GLRA3: variants seen among roughly 807,000 people sequenced by gnomAD.
GLRA3 encodes the protein glycine receptor subunit alpha-3.
In GLRA3, 44 loss-of-function variants were observed where a neutral mutation model predicts 60.4. That is an observed-to-expected ratio of 0.73 (90% CI 0.57 to 0.94). The LOEUF is 0.94. Ranked by LOEUF, GLRA3 falls within the 40% of genes least tolerant of loss-of-function variation. The pLI, the probability that GLRA3 is intolerant of heterozygous loss-of-function variation, is 0.00. For missense variants in GLRA3, 508 were observed against 564.6 expected (o/e 0.90, Z 1.02); for synonymous variants, 223 against 192.9 (o/e 1.16, Z -1.29).
At chr4:174,718,959 C>CTTTTTTTTTTTTT (rs10656765) in intron 4 of GLRA3, among the ~76,000 whole-genome samples, 2 of 81,064 alleles carry the variant, frequency 2.5e-5, no homozygotes, top group African/African-American at 4.9e-5. Context: ...AGATTTCGTG[C>CTTTTTTTTTTTTT]TTTTTTTTTT....
At chr4:174,781,591 G>A (rs1267627366) in intron 2 of GLRA3, among the ~76,000 whole-genome samples, 2 of 149,952 alleles carry the variant, frequency 1.3e-5, no homozygotes, top group African/African-American at 2.5e-5. Flanking sequence ...GAAAAAAAGA[G>A]AGAAGAATCA....
chr4:174,766,298 C>T (rs1293670627), intron 3 of GLRA3, among the ~76,000 whole-genome samples: 1 of 151,850 alleles, frequency 6.6e-6, no homozygotes, highest in African/African-American at 2.4e-5. Context: ...GGCTGCTAGA[C>T]AATTTTATAG....
intron 2 of GLRA3, among the ~76,000 whole-genome samples, chr4:174,785,093 A>G (rs771940656): frequency 3.3e-5 from 5 of 152,154 alleles, no homozygotes; most frequent in African/African-American, 4.8e-5. Context: ...TTATTTATTT[A>G]TACTTTTCTG....
At chr4:174,759,359 T>TAA (rs1579562639) in intron 3 of GLRA3, among the ~76,000 whole-genome samples, 2 of 152,068 alleles carry the variant, frequency 1.3e-5, no homozygotes, top group East Asian at 3.8e-4. Context: ...AAAGCCTATT[T>TAA]TAATAATGAA....
rs371913241 is a variant in GLRA3, at chr4:174,723,966, T to C, written c.491+4509A>G. On this transcript the variant is annotated intron_variant, in intron 4 of 9. Coordinates refer to ENST00000274093, the MANE Select transcript of GLRA3 (RefSeq NM_006529.4). Reference sequence around the variant, plus strand: ...AAATTCCACTATTCCTATTCATTTCTAAATTGTTTGGGGTTCGTCTAAACT... The same window carrying C: ...AAATTCCACTATTCCTATTCATTTCCAAATTGTTTGGGGTTCGTCTAAACT... Among the ~76,000 whole-genome samples the C allele has an allele frequency of 2.0e-4, 30 of 152,006 alleles. 1 individual carries two copies. The East Asian group carries it at 2.5e-3, about 13-fold the overall frequency.
At chr4:174,692,162 C>A (rs1190758520) in intron 5 of GLRA3, among the ~76,000 whole-genome samples, 3 of 151,988 alleles carry the variant, frequency 2.0e-5, no homozygotes, top group African/African-American at 7.2e-5. Context: ...CCAGCAGCCA[C>A]CCTGTCTGGG....
At chr4:174,656,829 G>A in intron 8 of GLRA3, 42 bp from the exon 9 acceptor site, 1 of 1,137,800 alleles carries the variant, frequency 8.8e-7, no homozygotes, top group Non-Finnish European at 1.3e-6. Flanking sequence ...TGAGAAACCA[G>A]AGAATCAATT....
At chr4:174,787,636 G>T (rs926254329) in intron 2 of GLRA3, among the ~76,000 whole-genome samples, 4 of 138,758 alleles carry the variant, frequency 2.9e-5, no homozygotes, top group African/African-American at 1.1e-4. Context: ...ATTTTCATTT[G>T]TATATTGTAC....
chr4:174,719,834 G>A (rs760208679), intron 4 of GLRA3, among the ~76,000 whole-genome samples: 1 of 152,044 alleles, frequency 6.6e-6, no homozygotes, highest in Non-Finnish European at 1.5e-5. Context: ...TTCTTCTTAC[G>A]ACATGCATTT....
At chr4:174,798,051 A>G (rs1739639607) in intron 1 of GLRA3, among the ~76,000 whole-genome samples, 1 of 152,214 alleles carries the variant, frequency 6.6e-6, no homozygotes. Flanking sequence ...TCTGCTAAAT[A>G]CACCTTAAAA....
chr4:174,798,795 G>T (rs558927670), intron 1 of GLRA3, among the ~76,000 whole-genome samples: 5 of 152,122 alleles, frequency 3.3e-5, no homozygotes, highest in Non-Finnish European at 7.4e-5. Flanking sequence ...GTGGTGGTGA[G>T]CGCCTGTAGT....
chr4:174,691,294 T>G (rs970760945), intron 5 of GLRA3, among the ~76,000 whole-genome samples: 13 of 152,110 alleles, frequency 8.5e-5, no homozygotes, highest in Non-Finnish European at 1.9e-4. Context: ...TAATGGTCAG[T>G]GATGTTGAAC....
At chr4:174,759,054 G>A (rs1013481416) in intron 3 of GLRA3, among the ~76,000 whole-genome samples, 2 of 152,074 alleles carry the variant, frequency 1.3e-5, no homozygotes, top group African/African-American at 2.4e-5. Flanking sequence ...GCAAACTCAA[G>A]CAAACACCAT....
chr4:174,800,650 C>A (rs528186568), intron 1 of GLRA3, among the ~76,000 whole-genome samples: 1 of 152,046 alleles, frequency 6.6e-6, no homozygotes, highest in African/African-American at 2.4e-5. Context: ...GTCTCAGCCA[C>A]CTGCCCCTTT....
intron 6 of GLRA3, among the ~76,000 whole-genome samples, chr4:174,681,682 A>G (rs1734351064): frequency 6.6e-6 from 1 of 152,200 alleles, no homozygotes; most frequent in Non-Finnish European, 1.5e-5. Flanking sequence ...CCTACCCTCC[A>G]GAACTGCGAG....
chr4:174,745,863 A>T (rs976045619), intron 3 of GLRA3, among the ~76,000 whole-genome samples: 3 of 152,178 alleles, frequency 2.0e-5, no homozygotes, highest in Non-Finnish European at 4.4e-5. Context: ...TCTCGAAAGA[A>T]GACACAGAAG....
chr4:174,783,288 C>T (rs1441954575), intron 2 of GLRA3, among the ~76,000 whole-genome samples: 1 of 140,460 alleles, frequency 7.1e-6, no homozygotes, highest in East Asian at 2.0e-4. Flanking sequence ...GAAACTGGAA[C>T]CCTTCCTTAC....
intron 5 of GLRA3, among the ~76,000 whole-genome samples, chr4:174,706,836 A>G (rs1353583053): frequency 6.6e-6 from 1 of 152,186 alleles, no homozygotes; most frequent in African/African-American, 2.4e-5. Context: ...ATTAACAGGT[A>G]GATTCTGTGA....
chr4:174,784,397 G>A (rs1579602815), intron 2 of GLRA3, among the ~76,000 whole-genome samples: 1 of 144,970 alleles, frequency 6.9e-6, no homozygotes, highest in Non-Finnish European at 1.5e-5. Context: ...CAGCACACCA[G>A]CATGGCACAT....
Sources: allele counts gnomAD v4.1 joint callset (sites outside exome capture counted in the v4.1 genomes callset), GRCh38; gene constraint gnomAD v4.1.1; transcripts MANE v1.5; gene names NCBI Gene and HGNC (gene_info 2026-07-23, HGNC 2026-07-21).